PRKCA: variants seen among roughly 807,000 people sequenced by gnomAD.
PRKCA encodes the protein protein kinase C alpha.
In PRKCA, 27 loss-of-function variants were observed where a neutral mutation model predicts 87.0. The ratio of observed to expected loss-of-function variants is 0.31; its 90% CI spans 0.23 to 0.43. PRKCA has a LOEUF of 0.43. PRKCA is among the 20% of genes least tolerant of loss of function. The pLI is 1.00. For synonymous variants in PRKCA, 329 were observed against 311.1 expected, an observed-to-expected ratio of 1.06 and a Z score of -0.61; for missense variants, 518 against 852.3, an observed-to-expected ratio of 0.61 and a Z score of 4.88.
intron 2 of PRKCA, among the ~76,000 whole-genome samples, chr17:66,359,467 C>T (rs538075591): frequency 6.6e-6 from 1 of 152,262 alleles, no homozygotes; most frequent in South Asian, 2.1e-4. Context: ...TAATAAGCCT[C>T]TCAGAGATGT....
chr17:66,737,269 A>G (rs1974056660), intron 10 of PRKCA, among the ~76,000 whole-genome samples: 1 of 151,752 alleles, frequency 6.6e-6, no homozygotes, highest in Non-Finnish European at 1.5e-5. Flanking sequence ...AGGCTGAGGC[A>G]GGAGAATGGC....
At chr17:66,388,752 G>A (rs1352540296) in intron 2 of PRKCA, among the ~76,000 whole-genome samples, 2 of 152,130 alleles carry the variant, frequency 1.3e-5, no homozygotes, top group Non-Finnish European at 2.9e-5. Flanking sequence ...CTGCACTGTG[G>A]GGCAGCTGCA....
At chr17:66,458,182 T>C (rs185136272) in intron 2 of PRKCA, among the ~76,000 whole-genome samples, 112 of 152,366 alleles carry the variant, frequency 7.4e-4, no homozygotes, top group Admixed American at 6.5e-3. Flanking sequence ...GTTGAGTTAT[T>C]ATTGGAACAT....
chr17:66,611,058 C>A (rs1970349186), intron 3 of PRKCA, among the ~76,000 whole-genome samples: 1 of 152,186 alleles, frequency 6.6e-6, no homozygotes, highest in African/African-American at 2.4e-5. Flanking sequence ...ACAAAAAAGT[C>A]TCCTAACATC....
chr17:66,692,011 G>A (rs1972796931), intron 8 of PRKCA, among the ~76,000 whole-genome samples: 1 of 152,216 alleles, frequency 6.6e-6, no homozygotes, highest in African/African-American at 2.4e-5. Context: ...TGAGCAAAAC[G>A]AAGCATTTCT....
In PRKCA at chr17:66,804,271, C is replaced by T. The variant is rs981431339; in HGVS notation, c.*234C>T. On this transcript the variant is annotated 3_prime_UTR_variant, in exon 17 of 17. Coordinates refer to ENST00000413366, the MANE Select transcript of PRKCA (RefSeq NM_002737.3). ...GTCATGCTCAGTGTCCAGTTTAATTCTGTAGAAGTTACGTCTGGCTCTAGG... is the reference window on the plus strand; with the variant it reads ...GTCATGCTCAGTGTCCAGTTTAATTTTGTAGAAGTTACGTCTGGCTCTAGG... The T allele has an allele frequency of 1.2e-5, 6 of 486,148 alleles. No homozygotes were observed. The highest frequency in any genetic ancestry group is 2.0e-5 in the Non-Finnish European group (6 of 295,336). The allele number at this position is 486,148 out of a possible 1,614,324, so 30.1% of individuals were successfully genotyped here.
rs116161591 is a variant in PRKCA, at chr17:66,796,563, G to A, written c.1855-7310G>A. 480 of 985,236 alleles carry A rather than the reference G, an allele frequency of 4.9e-4. 1 individual carries two copies. The African/African-American group carries it at 7.7e-3, about 16-fold the overall frequency. The allele number at this position is 985,236 out of a possible 1,614,324, so 61.0% of individuals were successfully genotyped here. A position where few individuals can be genotyped will look rare whatever the true frequency, so the allele number is the denominator to read the frequency against. On this transcript the variant is annotated intron_variant, in intron 16 of 16. Transcript: ENST00000413366. Reference sequence around the variant, plus strand: ...TAACCCCACTTTATAACCCTTAACCGTGTGCCCCTGCTTGTGTTGGTCATG... The same window carrying A: ...TAACCCCACTTTATAACCCTTAACCATGTGCCCCTGCTTGTGTTGGTCATG...
intron 8 of PRKCA, among the ~76,000 whole-genome samples, chr17:66,704,088 C>T (rs185191161): frequency 1.3e-5 from 2 of 151,474 alleles, no homozygotes; most frequent in African/African-American, 2.4e-5. Flanking sequence ...TGCAGTCCAT[C>T]GTTGACCAAA....
At chr17:66,724,623 G>A (rs1462758898) in intron 8 of PRKCA, among the ~76,000 whole-genome samples, 2 of 152,160 alleles carry the variant, frequency 1.3e-5, no homozygotes, top group African/African-American at 4.8e-5. Flanking sequence ...TTCATCCTCT[G>A]CATTCAGAAT....
At chr17:66,409,298 CT>C (rs746644324) in intron 2 of PRKCA, among the ~76,000 whole-genome samples, 9 of 152,056 alleles carry the variant, frequency 5.9e-5, no homozygotes, top group Non-Finnish European at 2.9e-5. Context: ...TCTGTGAGGC[CT>C]TAGGGGGTAC....
intron 2 of PRKCA, among the ~76,000 whole-genome samples, chr17:66,381,434 G>T (rs981300262): frequency 6.6e-6 from 1 of 152,164 alleles, no homozygotes. Context: ...GGAAGGTTCA[G>T]GATGACAACC....
At chr17:66,363,556 A>T (rs577556860) in intron 2 of PRKCA, among the ~76,000 whole-genome samples, 1 of 152,366 alleles carries the variant, frequency 6.6e-6, no homozygotes, top group East Asian at 1.9e-4. Context: ...AGTATTTGTT[A>T]CAAGTAAATT....
rs1246603117 is a variant in PRKCA, at chr17:66,731,783, T to C, written c.919-905T>C. 5.5e-3 allele frequency among the ~76,000 whole-genome samples: 748 copies of C among 135,038 alleles called. 13 individuals carry two copies. Among genetic ancestry groups the C allele is most frequent in the African/African-American group, 0.02 (711 of 36,058 alleles). The allele number at this position is 135,038 out of a possible 152,430, so 88.6% of individuals were successfully genotyped here. A position where few individuals can be genotyped will look rare whatever the true frequency, so the allele number is the denominator to read the frequency against. On this transcript the variant is annotated intron_variant, in intron 8 of 16. Transcript: ENST00000413366. ...CGCCTTGTGCTCCCTTTCTTTTTTT[T>C]TTTTTTTTTTTTTTTTTTTGAGACA...
intron 9 of PRKCA, 45 bp from the exon 10 acceptor site, chr17:66,735,444 G>T: frequency 6.2e-7 from 1 of 1,612,288 alleles, no homozygotes; most frequent in East Asian, 2.2e-5. Flanking sequence ...TGCCCCCCAA[G>T]ATATGTGCTT....
chr17:66,574,722 C>CAAA (rs56913809), intron 3 of PRKCA, among the ~76,000 whole-genome samples: 3 of 131,162 alleles, frequency 2.3e-5, no homozygotes, highest in Non-Finnish European at 3.3e-5. Flanking sequence ...ATTCCAAAAT[C>CAAA]AAAAAAAAAA....
chr17:66,792,222 G>C lies in PRKCA; in HGVS notation c.1854+3243G>C, dbSNP rs956529274. On this transcript the variant is annotated intron_variant, in intron 16 of 16. Transcript: ENST00000413366. The surrounding 1 kb of genome is among the most constrained non-coding windows in gnomAD (Gnocchi z 4.5). The stretch of plus-strand genomic sequence containing the variant: ...AGGACAGGTAGCTGTTCTCACGTGC[G>C]GTGATGCTCCTGGCTCCCATGGAAT... Among the ~76,000 whole-genome samples the C allele has an allele frequency of 1.1e-4, 17 of 152,280 alleles. No individual in the cohort carries two copies. The highest frequency in any genetic ancestry group is 3.6e-4 in the African/African-American group (15 of 41,556).
intron 11 of PRKCA, among the ~76,000 whole-genome samples, chr17:66,739,168 G>A (rs1974103031): frequency 6.6e-6 from 1 of 152,162 alleles, no homozygotes; most frequent in Admixed American, 6.5e-5. Context: ...AGGCGTGAGT[G>A]AGCCACCATG....
rs1974186910 is a variant in PRKCA, at chr17:66,742,864, G to A, written c.1524+104G>A. ...TGGCGAATCATGAAGTCAGTGCATG[G>A]TCACAGCCACTAAATGGACTAAACT... On this transcript the variant is annotated intron_variant, in intron 13 of 16. Coordinates refer to ENST00000413366, the MANE Select transcript of PRKCA (RefSeq NM_002737.3). 1.2e-5 allele frequency: 16 copies of A among 1,312,970 alleles called. No individual in the cohort carries two copies. The South Asian group carries it at 2.3e-4, about 19-fold the overall frequency. 81.3% of individuals were successfully genotyped at this position (1,312,970 alleles called of 1,614,324 possible). A position where few individuals can be genotyped will look rare whatever the true frequency, so the allele number is the denominator to read the frequency against.
chr17:66,791,194 G>A (rs1469935363), intron 16 of PRKCA, among the ~76,000 whole-genome samples: 4 of 136,258 alleles, frequency 2.9e-5, no homozygotes, highest in Non-Finnish European at 4.6e-5. Context: ...AAATTAAGAA[G>A]GAAGGATAAA....
Sources: allele counts gnomAD v4.1 joint callset (sites outside exome capture counted in the v4.1 genomes callset), GRCh38; gene constraint gnomAD v4.1.1; non-coding constraint Gnocchi (gnomAD v3.1); transcripts MANE v1.5; gene names NCBI Gene and HGNC (gene_info 2026-07-23, HGNC 2026-07-21).